MAF: variants seen among roughly 807,000 people sequenced by gnomAD.
The protein encoded by MAF is transcription factor Maf.
Under a neutral mutation model 22.0 loss-of-function variants are expected in MAF, and 10 were observed. That is an observed-to-expected ratio of 0.45 (90% CI 0.28 to 0.77). MAF has a LOEUF of 0.77. Among genes scored for constraint, MAF ranks in the 30% least tolerant of loss-of-function variants. The pLI, the probability that MAF is intolerant of heterozygous loss-of-function variation, is 0.12. For missense variants in MAF, 544 were observed against 548.4 expected (o/e 0.99, Z 0.08); for synonymous variants, 337 against 255.8 (o/e 1.32, Z -3.03).
the MAF span, among the ~76,000 whole-genome samples, chr16:79,564,230 CAGG>C: frequency 6.6e-6 from 1 of 152,186 alleles, no homozygotes; most frequent in Admixed American, 6.5e-5. Flanking sequence ...TGTTTTGTTT[CAGG>C]AGAAGACGGA....
chr16:79,226,116 C>G, the MAF span, among the ~76,000 whole-genome samples: 1 of 152,302 alleles, frequency 6.6e-6, no homozygotes, highest in East Asian at 1.9e-4. Context: ...GTAGTAAAGA[C>G]TTGGAACCAA....
the MAF span, among the ~76,000 whole-genome samples, chr16:79,305,237 C>T: frequency 6.6e-6 from 1 of 152,154 alleles, no homozygotes; most frequent in Non-Finnish European, 1.5e-5. Flanking sequence ...ATGAATAAGG[C>T]CCTGACGGTT....
At chr16:79,424,722 A>T in the MAF span, among the ~76,000 whole-genome samples, 2 of 152,160 alleles carry the variant, frequency 1.3e-5, no homozygotes, top group Non-Finnish European at 2.9e-5. Flanking sequence ...GTTAAACAAC[A>T]ACAACAAAAA....
the MAF span, among the ~76,000 whole-genome samples, chr16:79,481,404 C>A: frequency 6.6e-6 from 1 of 152,050 alleles, no homozygotes; most frequent in Non-Finnish European, 1.5e-5. Context: ...ACCACATACC[C>A]CATGAATAGT....
chr16:79,599,922 CCG>C lies in MAF; in HGVS notation c.-22_-21del. Reference sequence around the variant, plus strand: ...TGCCATTCTCCTGCCGCCGCCGCCGCCGCCGCCGCCGCTCCGCCAGATGGGCT... The same window carrying C: ...TGCCATTCTCCTGCCGCCGCCGCCGCCCGCCGCCGCTCCGCCAGATGGGCT... On this transcript the variant is annotated 5_prime_UTR_variant, in exon 1 of 2. Transcript: ENST00000326043. The C allele has an allele frequency of 6.3e-7, 1 of 1,594,870 alleles. No individual in the cohort carries two copies. The highest frequency in any genetic ancestry group is 1.7e-5 in the Admixed American group (1 of 59,874).
At chr16:79,342,153 CAA>C in the MAF span, among the ~76,000 whole-genome samples, 105 of 152,298 alleles carry the variant, frequency 6.9e-4, no homozygotes, top group African/African-American at 2.4e-3. Context: ...GGGACTTGCC[CAA>C]AGTCACCCGG....
chr16:79,279,953 T>C, the MAF span, among the ~76,000 whole-genome samples: 12 of 152,296 alleles, frequency 7.9e-5, no homozygotes, highest in East Asian at 2.3e-3. Context: ...GGGACACAGT[T>C]TGTGGGCAAT....
the MAF span, among the ~76,000 whole-genome samples, chr16:79,534,998 A>C: frequency 6.6e-6 from 1 of 152,228 alleles, no homozygotes; most frequent in Non-Finnish European, 1.5e-5. Flanking sequence ...TTTGAGGATT[A>C]GGTAAACTGC....
chr16:79,289,260 G>C, the MAF span, among the ~76,000 whole-genome samples: 1 of 152,152 alleles, frequency 6.6e-6, no homozygotes, highest in African/African-American at 2.4e-5. Context: ...GCCCACAAAG[G>C]AGGTGATGGA....
At chr16:79,380,339 G>A in the MAF span, among the ~76,000 whole-genome samples, 1 of 152,070 alleles carries the variant, frequency 6.6e-6, no homozygotes, top group African/African-American at 2.4e-5. Flanking sequence ...AATATTTAGG[G>A]GTATGATGAC....
chr16:79,276,220 C>G, the MAF span, among the ~76,000 whole-genome samples: 6 of 152,126 alleles, frequency 3.9e-5, no homozygotes, highest in Admixed American at 3.9e-4. Flanking sequence ...TTTCTGCCAG[C>G]CTGCAAGTCC....
At chr16:79,292,953 T>A in the MAF span, among the ~76,000 whole-genome samples, 1 of 152,166 alleles carries the variant, frequency 6.6e-6, no homozygotes, top group Admixed American at 6.5e-5. Flanking sequence ...GTAGGAACCC[T>A]CAGTTCTGGG....
At chr16:79,435,558 C>A in the MAF span, among the ~76,000 whole-genome samples, 4 of 152,314 alleles carry the variant, frequency 2.6e-5, no homozygotes, top group East Asian at 5.8e-4. Flanking sequence ...CTATTGTTTT[C>A]ATCTGCATTT....
chr16:79,402,542 G>A, the MAF span, among the ~76,000 whole-genome samples: 5 of 152,350 alleles, frequency 3.3e-5, no homozygotes, highest in South Asian at 6.2e-4. Flanking sequence ...GAGGTGGGGC[G>A]CTGGGTGGGG....
At chr16:79,480,124 G>C in the MAF span, among the ~76,000 whole-genome samples, 4 of 152,088 alleles carry the variant, frequency 2.6e-5, no homozygotes, top group African/African-American at 7.2e-5. Context: ...GCTTTGCTTG[G>C]TCTGGCTGAG....
the MAF span, among the ~76,000 whole-genome samples, chr16:79,435,371 C>A: frequency 6.6e-6 from 1 of 152,212 alleles, no homozygotes; most frequent in East Asian, 1.9e-4. Flanking sequence ...CCTTGATGTT[C>A]CTGGAATTCA....
the MAF span, among the ~76,000 whole-genome samples, chr16:79,351,585 A>T: frequency 6.6e-6 from 1 of 152,162 alleles, no homozygotes; most frequent in Non-Finnish European, 1.5e-5. Context: ...TCAGAGTCAC[A>T]GAGCCCAGAG....
At chr16:79,298,117 A>G in the MAF span, among the ~76,000 whole-genome samples, 21 of 152,366 alleles carry the variant, frequency 1.4e-4, no homozygotes, top group African/African-American at 4.6e-4. Flanking sequence ...GTGCCACTGC[A>G]AGGCAGCACA....
At chr16:79,442,695 A>G in the MAF span, among the ~76,000 whole-genome samples, 1 of 152,212 alleles carries the variant, frequency 6.6e-6, no homozygotes, top group East Asian at 1.9e-4. Context: ...TACAGATGTG[A>G]ACTACCTTGC....
Sources: allele counts gnomAD v4.1 joint callset (sites outside exome capture counted in the v4.1 genomes callset), GRCh38; gene constraint gnomAD v4.1.1; transcripts MANE v1.5; gene names NCBI Gene and HGNC (gene_info 2026-07-23, HGNC 2026-07-21).